KLF8: variants seen among roughly 807,000 people sequenced by gnomAD.
KLF8 encodes the protein Krueppel-like factor 8.
In KLF8, 10 loss-of-function variants were observed where a neutral mutation model predicts 18.2. The ratio of observed to expected loss-of-function variants is 0.55; its 90% CI spans 0.34 to 0.93. The LOEUF is 0.93. Ranked by LOEUF, KLF8 falls within the 40% of genes least tolerant of loss-of-function variation. KLF8 has a pLI of 0.02. For synonymous variants in KLF8, 109 were observed against 97.3 expected (o/e 1.12, Z -0.71); for missense variants, 264 against 277.9 (o/e 0.95, Z 0.36).
chrX:55,966,192 G>A, the KLF8 span, among the ~76,000 whole-genome samples: 41 of 112,551 alleles, frequency 3.6e-4, no homozygotes, highest in African/African-American at 1.3e-3. Flanking sequence ...TCTGGACTTG[G>A]CCCAGACCTG....
the KLF8 span, among the ~76,000 whole-genome samples, chrX:56,134,013 G>C: frequency 9.0e-6 from 1 of 111,016 alleles, no homozygotes; most frequent in Non-Finnish European, 1.9e-5. Flanking sequence ...ATAAATCATA[G>C]ATGACACAGA....
At chrX:56,215,859 AAAAAGAAAAG>A in the KLF8 span, among the ~76,000 whole-genome samples, 1 of 98,085 alleles carries the variant, frequency 1.0e-5, no homozygotes, top group African/African-American at 3.8e-5. Flanking sequence ...AAAAAAAAAA[AAAAAGAAAAG>A]AAAAGAAAAA....
At chrX:56,076,384 T>C in the KLF8 span, among the ~76,000 whole-genome samples, 3 of 104,087 alleles carry the variant, frequency 2.9e-5, no homozygotes, top group East Asian at 9.4e-4. Context: ...AGTGAGAATA[T>C]GCGGTGTTTG....
In KLF8 at chrX:56,284,583, C is replaced by T. The variant is rs2147705765; in HGVS notation, c.*89C>T. ...ACAATTTTTTCCTCTTTGACTTCAG[C>T]TTGCATATGGGGTTGAAGCAGCCCA... is the stretch of plus-strand genomic sequence containing the variant. On this transcript the variant is annotated 3_prime_UTR_variant, in exon 6 of 6. Transcript: ENST00000468660. The T allele has an allele frequency of 2.5e-6, 2 of 802,808 alleles. No homozygotes were observed. Among genetic ancestry groups the T allele is most frequent in the East Asian group, 7.3e-5 (2 of 27,249 alleles). 66.2% of individuals were successfully genotyped at this position (802,808 alleles called of 1,213,427 possible).
chrX:56,005,026 TATG>T, the KLF8 span, among the ~76,000 whole-genome samples: 14 of 49,136 alleles, frequency 2.8e-4, no homozygotes, highest in Admixed American at 4.1e-4. Flanking sequence ...CTTTATCCTT[TATG>T]ATTATTATTA....
the KLF8 span, among the ~76,000 whole-genome samples, chrX:55,910,338 G>A: frequency 1.8e-5 from 2 of 111,779 alleles, no homozygotes; most frequent in African/African-American, 6.5e-5. Flanking sequence ...AGGTGTTGGT[G>A]GAGGGGACTA....
At chrX:56,180,489 T>A in the KLF8 span, among the ~76,000 whole-genome samples, 1 of 111,577 alleles carries the variant, frequency 9.0e-6, no homozygotes, top group Non-Finnish European at 1.9e-5. Context: ...CTTAGTTATT[T>A]CTTGCCTTCT....
At chrX:56,096,028 C>T in the KLF8 span, among the ~76,000 whole-genome samples, 1 of 111,506 alleles carries the variant, frequency 9.0e-6, no homozygotes, top group African/African-American at 3.3e-5. Flanking sequence ...TTTACAATAG[C>T]AAAGTCATGG....
rs780171768 is a variant in KLF8, at chrX:56,265,441, T to A, written c.343T>A (p.Ser115Thr). The change falls in exon 3 of 6, where the codon TCT (serine) becomes ACT (threonine). Residue 115 changes from serine (S) to threonine (T), a missense_variant. Ser to Thr is a moderately conservative substitution (Grantham distance 58). This residue lies in a region of KLF8 where 221 missense variants were observed against 193.6 expected (regional missense o/e 1.14). Coordinates refer to ENST00000468660, the MANE Select transcript of KLF8 (RefSeq NM_007250.5). ...TCCAATACGTCCCCCCAAGCCACAG[T>A]CTTCTCCCCAGACCCTTGTGGTGTC... The part of the protein sequence containing the change: ...QAPIRPPKPQ[S>T]SPQTLVVSTS... 1 of 1,209,977 alleles carries A rather than the reference T, an allele frequency of 8.3e-7. No individual in the cohort carries two copies. The highest frequency in any genetic ancestry group is 1.7e-5 in the African/African-American group (1 of 57,174).
the KLF8 span, among the ~76,000 whole-genome samples, chrX:56,189,086 A>C: frequency 9.0e-5 from 10 of 111,703 alleles, no homozygotes; most frequent in Non-Finnish European, 1.7e-4. Context: ...AACAGGCAGC[A>C]TACAAAATGG....
chrX:55,920,475 AG>A, the KLF8 span, among the ~76,000 whole-genome samples: 1 of 111,867 alleles, frequency 8.9e-6, no homozygotes, highest in Admixed American at 9.5e-5. Context: ...AAGCTAATCA[AG>A]GAGGCAATAG....
the KLF8 span, among the ~76,000 whole-genome samples, chrX:56,121,148 T>C: frequency 1.0e-5 from 1 of 96,189 alleles, no homozygotes; most frequent in East Asian, 3.1e-4. Context: ...ATCCCGCCAC[T>C]GCACTCCAGC....
the KLF8 span, among the ~76,000 whole-genome samples, chrX:55,962,732 C>T: frequency 8.9e-6 from 1 of 112,493 alleles, no homozygotes; most frequent in African/African-American, 3.2e-5. Flanking sequence ...CTTTTATCTC[C>T]CAACTTTTCT....
chrX:56,035,430 G>A, the KLF8 span, among the ~76,000 whole-genome samples: 1 of 111,694 alleles, frequency 9.0e-6, no homozygotes, highest in African/African-American at 3.3e-5. Context: ...AACAAACATG[G>A]GGTAACAGAT....
At chrX:56,013,639 T>C in the KLF8 span, among the ~76,000 whole-genome samples, 1 of 111,186 alleles carries the variant, frequency 9.0e-6, no homozygotes, top group Non-Finnish European at 1.9e-5. Context: ...CTTCTTCTTT[T>C]TTTCGTTATG....
chrX:56,108,142 C>G, the KLF8 span, among the ~76,000 whole-genome samples: 8 of 111,584 alleles, frequency 7.2e-5, no homozygotes, highest in African/African-American at 2.6e-4. Flanking sequence ...AGGATTATAT[C>G]ATCTGCAGAT....
At chrX:55,923,218 A>G in the KLF8 span, among the ~76,000 whole-genome samples, 2 of 106,813 alleles carry the variant, frequency 1.9e-5, no homozygotes, top group African/African-American at 6.8e-5. Flanking sequence ...CAGCGAGTTA[A>G]CACAGAAAAA....
chrX:56,034,869 C>T, the KLF8 span, among the ~76,000 whole-genome samples: 1 of 101,206 alleles, frequency 9.9e-6, no homozygotes, highest in African/African-American at 3.6e-5. Flanking sequence ...CATTCTCCTG[C>T]CTCAGCCTCC....
At chrX:56,163,599 G>C in the KLF8 span, among the ~76,000 whole-genome samples, 1 of 111,911 alleles carries the variant, frequency 8.9e-6, no homozygotes, top group African/African-American at 3.2e-5. Context: ...AGTTTAATGA[G>C]ATTTCATTAG....
Sources: allele counts gnomAD v4.1 joint callset (sites outside exome capture counted in the v4.1 genomes callset), GRCh38; gene constraint gnomAD v4.1.1; regional missense constraint gnomAD v4.1.1; transcripts MANE v1.5; gene names NCBI Gene and HGNC (gene_info 2026-07-23, HGNC 2026-07-21).